STIM2: variants seen among roughly 807,000 people sequenced by gnomAD.
STIM2 encodes stromal interaction molecule 2.
In STIM2, 31 loss-of-function variants were observed where a neutral mutation model predicts 85.8. The observed-to-expected ratio is 0.36, with a 90% CI of 0.27 to 0.49. The LOEUF (loss-of-function observed/expected upper bound fraction) is 0.49. Ranked by LOEUF, STIM2 falls within the 20% of genes least tolerant of loss-of-function variation. STIM2 has a pLI of 0.98. For synonymous variants in STIM2, 356 were observed against 331.1 expected (o/e 1.08, Z -0.82); for missense variants, 841 against 927.6 (o/e 0.91, Z 1.21).
chr4:26,981,573 C>T (rs1436173417), intron 3 of STIM2, among the ~76,000 whole-genome samples: 1 of 152,166 alleles, frequency 6.6e-6, no homozygotes, highest in African/African-American at 2.4e-5. Flanking sequence ...CTTCCAGTGC[C>T]ACCATTTGCC....
At chr4:26,932,974 T>C (rs1231394915) in intron 2 of STIM2, among the ~76,000 whole-genome samples, 1 of 152,110 alleles carries the variant, frequency 6.6e-6, no homozygotes, top group Non-Finnish European at 1.5e-5. Context: ...CATGAGAGAC[T>C]AGAAGTGAGA....
intron 7 of STIM2, among the ~76,000 whole-genome samples, chr4:27,003,789 TG>T (rs1478785811): frequency 6.6e-6 from 1 of 152,174 alleles, no homozygotes; most frequent in Non-Finnish European, 1.5e-5. Flanking sequence ...GTGTTCCCTC[TG>T]CAGGCTGTAG....
At chr4:26,988,996 G>T (rs111946747) in intron 3 of STIM2, among the ~76,000 whole-genome samples, 19,785 of 152,148 alleles carry the variant, frequency 0.13, 1,518 homozygotes, top group Middle Eastern at 0.26. Flanking sequence ...GTACAGTAGC[G>T]CAGTCTTGGC....
chr4:26,997,675 A>G (rs1728007941), intron 4 of STIM2, among the ~76,000 whole-genome samples: 1 of 152,224 alleles, frequency 6.6e-6, no homozygotes, highest in Admixed American at 6.5e-5. Flanking sequence ...CTATTATACA[A>G]ACATTTATCA....
intron 1 of STIM2, among the ~76,000 whole-genome samples, chr4:26,875,997 TGTA>T (rs1467862236): frequency 4.6e-5 from 7 of 152,174 alleles, no homozygotes; most frequent in African/African-American, 1.2e-4. Context: ...CATTTTCGCT[TGTA>T]GTATATAGTA....
intron 3 of STIM2, among the ~76,000 whole-genome samples, chr4:26,963,114 G>C (rs1726546580): frequency 6.6e-6 from 1 of 152,124 alleles, no homozygotes; most frequent in African/African-American, 2.4e-5. Context: ...TGTACCTAAA[G>C]GCTAGCCAGA....
At chr4:26,998,339 A>G (rs949688276) in intron 4 of STIM2, among the ~76,000 whole-genome samples, 3 of 152,136 alleles carry the variant, frequency 2.0e-5, no homozygotes, top group African/African-American at 7.2e-5. Flanking sequence ...TTTAGTACTT[A>G]TTATTATATA....
intron 2 of STIM2, among the ~76,000 whole-genome samples, chr4:26,941,441 C>A (rs1451440648): frequency 2.6e-5 from 4 of 152,002 alleles, no homozygotes; most frequent in African/African-American, 9.7e-5. Context: ...TTTTACCTGT[C>A]CAACATTAGT....
intron 3 of STIM2, among the ~76,000 whole-genome samples, chr4:26,973,287 A>G (rs1487465731): frequency 1.3e-5 from 2 of 151,900 alleles, no homozygotes; most frequent in Non-Finnish European, 2.9e-5. Flanking sequence ...CTAGCTTTTG[A>G]ATGTGTTTGC....
rs189989842 is a variant in STIM2 at position 26,986,403 on chromosome 4, A to G, written c.398-8976A>G. ...TGGATAGTATATACTTATATTAAAT[A>G]TAACAAATGAAAAGTTATATGGTAG... On this transcript the variant is annotated intron_variant, in intron 3 of 11. Coordinates refer to ENST00000467087, the MANE Select transcript of STIM2 (RefSeq NM_020860.4). 4.9e-3 allele frequency among the ~76,000 whole-genome samples: 739 copies of G among 152,348 alleles called. 7 individuals carry two copies. The highest frequency in any genetic ancestry group is 0.017 in the African/African-American group (708 of 41,580).
chr4:27,024,309 A>T lies in STIM2; in HGVS notation c.*1313A>T, dbSNP rs1272476510. On this transcript the variant is annotated 3_prime_UTR_variant, in exon 12 of 12. Coordinates refer to ENST00000467087, the MANE Select transcript of STIM2 (RefSeq NM_020860.4). ...CCATATAGCAACAAAGTATGTTAACATCTAGGGAGTTTCTGCTTATACCAC... is the reference window on the plus strand; with the variant it reads ...CCATATAGCAACAAAGTATGTTAACTTCTAGGGAGTTTCTGCTTATACCAC... 6.6e-6 allele frequency: 1 copy of T among 152,228 alleles called. No individual in the cohort carries two copies. Among genetic ancestry groups the T allele is most frequent in the East Asian group, 1.9e-4 (1 of 5,198 alleles). 9.4% of individuals were successfully genotyped at this position (152,228 alleles called of 1,614,324 possible). A position where few individuals can be genotyped will look rare whatever the true frequency, so the allele number is the denominator to read the frequency against.
intron 2 of STIM2, among the ~76,000 whole-genome samples, chr4:26,939,214 G>C (rs529216167): frequency 6.6e-6 from 1 of 151,960 alleles, no homozygotes; most frequent in Non-Finnish European, 1.5e-5. Flanking sequence ...ATCTAAACTC[G>C]TGAGAACTAT....
At chr4:26,880,926 T>C (rs537609802) in intron 1 of STIM2, among the ~76,000 whole-genome samples, 2 of 152,120 alleles carry the variant, frequency 1.3e-5, no homozygotes, top group African/African-American at 4.8e-5. Context: ...TATGCAAGTG[T>C]AGACAAGAGA....
At chr4:26,878,221 C>T (rs1381954463) in intron 1 of STIM2, among the ~76,000 whole-genome samples, 2 of 152,060 alleles carry the variant, frequency 1.3e-5, no homozygotes, top group East Asian at 1.9e-4. Flanking sequence ...TCCTGGTCTA[C>T]CCTCAGTCTT....
Position 27,024,735 on chromosome 4 carries a change from AC to A in STIM2, c.*1740del, listed in dbSNP as rs1485254664. The A allele has an allele frequency of 1.3e-5, 2 of 152,270 alleles. No individual in the cohort carries two copies. The highest frequency in any genetic ancestry group is 2.9e-5 in the Non-Finnish European group (2 of 68,058). 9.4% of individuals were successfully genotyped at this position (152,270 alleles called of 1,614,324 possible). ...AACCTGAGAGGTAGGGTTGAGGAAC[AC>A]AGGGTTGAAAGCTGTTGGAGAGGGG... On this transcript the variant is annotated 3_prime_UTR_variant, in exon 12 of 12. Transcript: ENST00000467087.
In STIM2 at chr4:27,023,145, G is replaced by T; in HGVS notation, c.*149G>T. ...GGATGCCATAGTGGAACATCCAGAA[G>T]GGCAACTGTCTACTGTCTGCTTATT... On this transcript the variant is annotated 3_prime_UTR_variant, in exon 12 of 12. Transcript: ENST00000467087. The T allele has an allele frequency of 1.4e-6, 1 of 719,396 alleles. No homozygotes were observed. The highest frequency in any genetic ancestry group is 2.4e-6 in the Non-Finnish European group (1 of 425,390). The allele number at this position is 719,396 out of a possible 1,614,324, so 44.6% of individuals were successfully genotyped here. A position where few individuals can be genotyped will look rare whatever the true frequency, so the allele number is the denominator to read the frequency against.
intron 2 of STIM2, among the ~76,000 whole-genome samples, chr4:26,949,868 T>C (rs1725979077): frequency 6.6e-6 from 1 of 152,204 alleles, no homozygotes; most frequent in African/African-American, 2.4e-5. Context: ...GTTCATAAAA[T>C]CATATGCAAA....
In STIM2 at chr4:27,022,868, A is replaced by G; in HGVS notation, c.2113A>G (p.Ser705Gly). 18 of 1,614,252 alleles carry G rather than the reference A, an allele frequency of 1.1e-5. No homozygotes were observed. The highest frequency in any genetic ancestry group is 1.4e-5 in the Non-Finnish European group (16 of 1,180,036). The change falls in exon 12 of 12, where the codon AGT becomes GGT. Residue 705 changes from serine to glycine, a missense_variant. Physicochemically the swap from Ser to Gly is moderately conservative, Grantham distance 56. Around this residue, in one of 3 missense-constraint regions of STIM2, gnomAD observed 293 missense variants for 284.5 expected, o/e 1.03. Transcript: ENST00000467087. ...ATCATGTTCCTCAGCTGGCAACGAC[A>G]GTAAACCAGTTCAGGAAGCCCCAAG...
At chr4:26,972,729 TGGTATCAG>T (rs1447566668) in intron 3 of STIM2, among the ~76,000 whole-genome samples, 1 of 152,222 alleles carries the variant, frequency 6.6e-6, no homozygotes, top group Non-Finnish European at 1.5e-5. Flanking sequence ...TGCCAGGCTT[TGGTATCAG>T]GTTGATGCTG....
Sources: allele counts gnomAD v4.1 joint callset (sites outside exome capture counted in the v4.1 genomes callset), GRCh38; gene constraint gnomAD v4.1.1; regional missense constraint gnomAD v4.1.1; transcripts MANE v1.5; gene names NCBI Gene and HGNC (gene_info 2026-07-23, HGNC 2026-07-21).